Variants in LHFPL6 observed in about 807,000 individuals in gnomAD.
LHFPL6 encodes LHFPL tetraspan subfamily member 6 protein.
LHFPL6 carries 9 observed loss-of-function variants against 20.6 expected under a neutral mutation model. The observed-to-expected ratio is 0.44, with a 90% CI of 0.26 to 0.76. The LOEUF (loss-of-function observed/expected upper bound fraction) is 0.76. Ranked by LOEUF, LHFPL6 falls within the 30% of genes least tolerant of loss-of-function variation. LHFPL6 has a pLI of 0.20. For synonymous variants in LHFPL6, 105 were observed against 98.7 expected (o/e 1.06, Z -0.38); for missense variants, 218 against 253.5 (o/e 0.86, Z 0.95).
At chr13:39,366,637 G>A (rs545790418) in intron 3 of LHFPL6, among the ~76,000 whole-genome samples, 12 of 152,136 alleles carry the variant, frequency 7.9e-5, no homozygotes, top group South Asian at 6.2e-4. Flanking sequence ...TTTTGTGGAC[G>A]CTGGCAAAAG....
intron 2 of LHFPL6, among the ~76,000 whole-genome samples, chr13:39,539,448 G>A (rs947255102): frequency 6.6e-6 from 1 of 152,204 alleles, no homozygotes; most frequent in African/African-American, 2.4e-5. Flanking sequence ...TACTTGAACA[G>A]CTTTTGACGA....
At chr13:39,476,105 CAT>C (rs1455029767) in intron 2 of LHFPL6, among the ~76,000 whole-genome samples, 4 of 152,180 alleles carry the variant, frequency 2.6e-5, no homozygotes, top group Non-Finnish European at 4.4e-5. Context: ...TATAAAAACA[CAT>C]GATTAATATT....
rs546979105 is a variant in LHFPL6 at position 39,594,983 on chromosome 13, A to G, written c.385+5849T>C. ...GGCCTATTGTGGGGTGGGTGGAGGG[A>G]GGAGGGATAGCATTAGGAGATATAC... On this transcript the variant is annotated intron_variant, in intron 2 of 3. Transcript: ENST00000379589. Among the ~76,000 whole-genome samples the G allele has an allele frequency of 2.5e-3, 377 of 152,178 alleles. 3 individuals carry two copies. Among genetic ancestry groups the G allele is most frequent in the African/African-American group, 8.5e-3 (353 of 41,504 alleles).
Position 39,379,590 on chromosome 13 carries a change from C to A in LHFPL6, c.386-1064G>T, listed in dbSNP as rs1203196341. ...CTGCACCAAGTCCCTTCCGGGCCGT[C>A]TTTTGTCTTTTTCCTCCCTACCCCA... On this transcript the variant is annotated intron_variant, in intron 2 of 3. Transcript: ENST00000379589. 5.9e-5 allele frequency among the ~76,000 whole-genome samples: 9 copies of A among 152,302 alleles called. No homozygotes were observed. The East Asian group carries it at 1.7e-3, about 29-fold the overall frequency.
intron 2 of LHFPL6, among the ~76,000 whole-genome samples, chr13:39,586,960 C>T (rs1241303658): frequency 6.6e-6 from 1 of 152,054 alleles, no homozygotes; most frequent in African/African-American, 2.4e-5. Flanking sequence ...AGTTCAAGAC[C>T]AGCCTGACCA....
At chr13:39,563,866 T>C (rs1372843416) in intron 2 of LHFPL6, among the ~76,000 whole-genome samples, 1 of 152,226 alleles carries the variant, frequency 6.6e-6, no homozygotes, top group African/African-American at 2.4e-5. Context: ...ACGTTCCTTT[T>C]CTTCTCAGAG....
At chr13:39,453,903 C>G (rs924277118) in intron 2 of LHFPL6, among the ~76,000 whole-genome samples, 2 of 152,218 alleles carry the variant, frequency 1.3e-5, no homozygotes, top group Admixed American at 1.3e-4. Flanking sequence ...CATCGGCCAC[C>G]TGAGAGCAAT....
chr13:39,584,552 T>G (rs1225061142), intron 2 of LHFPL6, among the ~76,000 whole-genome samples: 1 of 151,134 alleles, frequency 6.6e-6, no homozygotes, highest in Non-Finnish European at 1.5e-5. Context: ...AAACCATTAA[T>G]TTTTTTCTTT....
intron 2 of LHFPL6, among the ~76,000 whole-genome samples, chr13:39,395,459 T>C (rs1593296886): frequency 1.3e-5 from 2 of 152,162 alleles, no homozygotes; most frequent in South Asian, 4.1e-4. Context: ...TCTTCCAGGA[T>C]CTAGTTATCT....
intron 2 of LHFPL6, among the ~76,000 whole-genome samples, chr13:39,451,199 T>C (rs1872436931): frequency 6.6e-6 from 1 of 152,084 alleles, no homozygotes. Context: ...AAGGGGGAGA[T>C]GTGTGATTAA....
chr13:39,478,951 G>A lies in LHFPL6; in HGVS notation c.386-100425C>T, dbSNP rs117738880. The stretch of plus-strand genomic sequence containing the variant: ...TGAATCTCTTTATCCATAATATATC[G>A]ATATGTCTCTATATATAATATATAC... On this transcript the variant is annotated intron_variant, in intron 2 of 3. Transcript: ENST00000379589. Among the ~76,000 whole-genome samples, 410 of 150,756 alleles carry A rather than the reference G, an allele frequency of 2.7e-3. 1 individual carries two copies. The highest frequency in any genetic ancestry group is 4.6e-3 in the Non-Finnish European group (309 of 67,782).
At chr13:39,535,669 T>C (rs974048285) in intron 2 of LHFPL6, among the ~76,000 whole-genome samples, 1 of 152,210 alleles carries the variant, frequency 6.6e-6, no homozygotes, top group African/African-American at 2.4e-5. Flanking sequence ...TATCATTTTT[T>C]ACCTGGTTGA....
At chr13:39,510,868 TTAAA>T (rs1220329527) in intron 2 of LHFPL6, among the ~76,000 whole-genome samples, 12 of 86,544 alleles carry the variant, frequency 1.4e-4, no homozygotes, top group African/African-American at 6.3e-4. Flanking sequence ...AATCATTACT[TTAAA>T]TTTTTTTTTT....
chr13:39,583,972 C>T (rs1395468281), intron 2 of LHFPL6, among the ~76,000 whole-genome samples: 8 of 152,124 alleles, frequency 5.3e-5, no homozygotes, highest in Non-Finnish European at 5.9e-5. Context: ...CCTCCTCCTC[C>T]GTGTCAGGCC....
At chr13:39,494,984 A>G (rs1869050136) in intron 2 of LHFPL6, among the ~76,000 whole-genome samples, 1 of 152,136 alleles carries the variant, frequency 6.6e-6, no homozygotes, top group Admixed American at 6.6e-5. Context: ...CTGCCCCACC[A>G]CTGCATACGC....
chr13:39,377,822 A>G (rs529895165), intron 3 of LHFPL6, among the ~76,000 whole-genome samples: 106 of 152,336 alleles, frequency 7.0e-4, no homozygotes, highest in Admixed American at 3.1e-3. Context: ...CACATTTATC[A>G]GAGTAGCACC....
At chr13:39,471,627 T>C (rs1872949674) in intron 2 of LHFPL6, among the ~76,000 whole-genome samples, 2 of 152,214 alleles carry the variant, frequency 1.3e-5, no homozygotes, top group African/African-American at 2.4e-5. Flanking sequence ...CAAGAATACA[T>C]ACAGCTGTGT....
chr13:39,458,190 G>C (rs1372984218), intron 2 of LHFPL6, among the ~76,000 whole-genome samples: 4 of 152,100 alleles, frequency 2.6e-5, no homozygotes, highest in Admixed American at 1.3e-4. Flanking sequence ...GAGGGGAAAA[G>C]AATGGAAGAA....
intron 2 of LHFPL6, among the ~76,000 whole-genome samples, chr13:39,398,017 T>G (rs1170711553): frequency 6.6e-6 from 1 of 152,204 alleles, no homozygotes; most frequent in Non-Finnish European, 1.5e-5. Flanking sequence ...AGGCAGCATC[T>G]CAGCCAAACT....
Sources: gnomAD v4.1 joint callset for allele counts (sites outside exome capture counted in the v4.1 genomes callset) on GRCh38, gnomAD v4.1.1 for gene constraint, MANE v1.5 for transcripts, NCBI Gene and HGNC (gene_info 2026-07-23, HGNC 2026-07-21) for gene names.